The following RAPGEF6 variants were observed in gnomAD, a reference collection of about 807,000 sequenced individuals.
The protein encoded by RAPGEF6 is PDZ domain containing guanine nucleotide exchange factor (GEF) 2.
In RAPGEF6, 56 loss-of-function variants were observed where a neutral mutation model predicts 171.4. That is an observed-to-expected ratio of 0.33 (90% CI 0.26 to 0.41). The LOEUF (loss-of-function observed/expected upper bound fraction) is 0.41. RAPGEF6 is among the 10% of genes least tolerant of loss of function. The probability of loss-of-function intolerance (pLI) is 1.00; values close to 1 mark genes in which losing one functional copy is unlikely to be tolerated. For missense variants in RAPGEF6, 1,674 were observed against 1,921.4 expected, an observed-to-expected ratio of 0.87 and a Z score of 2.41; for synonymous variants, 692 against 650.1, an observed-to-expected ratio of 1.06 and a Z score of -0.98.
chr5:131,515,250 T>G (rs537728867), intron 7 of RAPGEF6, among the ~76,000 whole-genome samples: 1 of 152,334 alleles, frequency 6.6e-6, no homozygotes, highest in South Asian at 2.1e-4. Flanking sequence ...GTATTTCATT[T>G]AACCTTTTCA....
At chr5:131,519,697 A>C (rs1476007796) in intron 7 of RAPGEF6, among the ~76,000 whole-genome samples, 1 of 152,212 alleles carries the variant, frequency 6.6e-6, no homozygotes, top group Non-Finnish European at 1.5e-5. Flanking sequence ...CTCTGTGTAT[A>C]GTCTTAGAAA....
chr5:131,541,938 A>G (rs1342758515), intron 6 of RAPGEF6, among the ~76,000 whole-genome samples: 2 of 150,416 alleles, frequency 1.3e-5, no homozygotes, highest in African/African-American at 2.5e-5. Context: ...CTTGGCAGAC[A>G]TTCTCCATCT....
At chr5:131,628,677 T>A (rs1766100563) in intron 1 of RAPGEF6, among the ~76,000 whole-genome samples, 1 of 152,168 alleles carries the variant, frequency 6.6e-6, no homozygotes, top group Admixed American at 6.5e-5. Context: ...GCTTCAAAGC[T>A]TCAAAGGACA....
intron 27 of RAPGEF6, among the ~76,000 whole-genome samples, chr5:131,428,234 C>G (rs1380937796): frequency 1.3e-5 from 2 of 151,896 alleles, no homozygotes; most frequent in Non-Finnish European, 2.9e-5. Context: ...TATAGTGAGA[C>G]CCTGTCTCTA....
chr5:131,450,114 T>C, intron 21 of RAPGEF6: 2 of 1,440,420 alleles, frequency 1.4e-6, no homozygotes, highest in Non-Finnish European at 1.9e-6. Context: ...AAGACAACAG[T>C]TGAGAGTCAG....
chr5:131,492,626 G>C lies in RAPGEF6; in HGVS notation c.1687C>G (p.Pro563Ala). The change falls in exon 14 of 28, where the codon CCT (proline) becomes GCT (alanine). Residue 563 changes from proline (P) to alanine (A), a missense_variant. Transcript: ENST00000509018. ...CCTGAATCAGCAGCTTTGCTACCAG[G>C]TTCTACTCCTTCAACAAAAATACCA... is the stretch of plus-strand genomic sequence containing the variant. Reference protein sequence around the residue: ...GFGIFVEGVEPGSKAADSGLK... With the variant: ...GFGIFVEGVEAGSKAADSGLK... The C allele has an allele frequency of 6.2e-7, 1 of 1,614,080 alleles. No individual in the cohort carries two copies. The highest frequency in any genetic ancestry group is 8.5e-7 in the Non-Finnish European group (1 of 1,180,014).
chr5:131,603,704 T>C (rs1015979629), intron 2 of RAPGEF6, among the ~76,000 whole-genome samples: 2 of 152,118 alleles, frequency 1.3e-5, no homozygotes, highest in Non-Finnish European at 2.9e-5. Context: ...AATTGCTGAA[T>C]ATATAAATCA....
intron 7 of RAPGEF6, among the ~76,000 whole-genome samples, chr5:131,512,863 A>C (rs994032320): frequency 1.3e-5 from 2 of 152,292 alleles, no homozygotes; most frequent in Middle Eastern, 6.8e-3. Flanking sequence ...TACCTCTAAC[A>C]ATCAGAAAGA....
chr5:131,635,089 CACTAGGT>C lies in RAPGEF6; in HGVS notation c.-66_-60del. 3 of 1,505,120 alleles carry C rather than the reference CACTAGGT, an allele frequency of 2.0e-6. No individual in the cohort carries two copies. Among genetic ancestry groups the C allele is most frequent in the Non-Finnish European group, 2.7e-6 (3 of 1,114,660 alleles). The allele number at this position is 1,505,120 out of a possible 1,614,324, so 93.2% of individuals were successfully genotyped here. Reference sequence around the variant, plus strand: ...AGCAGCCCACGCCACAGTTCATTCACACTAGGTAGCGGGTGCGGTACCTTTCCCCCGC... The same window carrying C: ...AGCAGCCCACGCCACAGTTCATTCACAGCGGGTGCGGTACCTTTCCCCCGC... On this transcript the variant is annotated 5_prime_UTR_variant, in exon 1 of 28. Coordinates refer to ENST00000509018, the MANE Select transcript of RAPGEF6 (RefSeq NM_016340.6).
chr5:131,552,731 C>G (rs6890695), intron 5 of RAPGEF6, among the ~76,000 whole-genome samples: 116,739 of 152,026 alleles, frequency 0.77, 45,136 homozygotes, highest in African/African-American at 0.82. Context: ...AAAGTGCTCA[C>G]ATTACAGGCG....
chr5:131,627,850 C>T (rs770543904), intron 1 of RAPGEF6, among the ~76,000 whole-genome samples: 13 of 152,216 alleles, frequency 8.5e-5, no homozygotes, highest in Non-Finnish European at 1.5e-4. Context: ...ATTCTCACAA[C>T]ATTTCAAACT....
At chr5:131,433,269 T>C (rs1412032535) in intron 25 of RAPGEF6, among the ~76,000 whole-genome samples, 161 bp downstream of exon 25, 1 of 152,196 alleles carries the variant, frequency 6.6e-6, no homozygotes, top group South Asian at 2.1e-4. Context: ...ATAGTGCTTA[T>C]TTACATATTC....
intron 11 of RAPGEF6, 127 bp from the exon 12 acceptor site, chr5:131,498,734 A>C: frequency 1.2e-6 from 1 of 854,910 alleles, no homozygotes; most frequent in Non-Finnish European, 1.8e-6. Context: ...TTTCGCCTTT[A>C]AATCCTTAGC....
At chr5:131,458,473 G>A (rs1165197169) in intron 19 of RAPGEF6, among the ~76,000 whole-genome samples, 2 of 152,118 alleles carry the variant, frequency 1.3e-5, no homozygotes, top group Non-Finnish European at 2.9e-5. Flanking sequence ...ACAGTCTCAG[G>A]TATTTCTATA....
At chr5:131,567,390 T>C (rs989290646) in intron 4 of RAPGEF6, among the ~76,000 whole-genome samples, 4 of 152,228 alleles carry the variant, frequency 2.6e-5, no homozygotes, top group African/African-American at 9.6e-5. Flanking sequence ...CATTCTTTTC[T>C]CATAAATATG....
intron 26 of RAPGEF6, among the ~76,000 whole-genome samples, chr5:131,430,531 G>C (rs945294471): frequency 6.6e-6 from 1 of 152,172 alleles, no homozygotes; most frequent in Admixed American, 6.5e-5. Context: ...AGGTGATAAA[G>C]AGAATAATCC....
At chr5:131,606,326 T>C (rs957745821) in intron 1 of RAPGEF6, among the ~76,000 whole-genome samples, 4 of 142,014 alleles carry the variant, frequency 2.8e-5, no homozygotes, top group African/African-American at 1.1e-4. Context: ...ATCGCACCAC[T>C]GCACTCCAGT....
At chr5:131,536,366 C>T (rs557801535) in intron 6 of RAPGEF6, among the ~76,000 whole-genome samples, 3 of 152,258 alleles carry the variant, frequency 2.0e-5, no homozygotes, top group African/African-American at 7.2e-5. Context: ...ACAGTTAACT[C>T]TAATTACTGG....
intron 3 of RAPGEF6, among the ~76,000 whole-genome samples, chr5:131,600,605 G>GGGAGAGAAGA (rs1489222481): frequency 6.8e-6 from 1 of 147,444 alleles, no homozygotes; most frequent in Non-Finnish European, 1.5e-5. Flanking sequence ...GGGAAGGGAG[G>GGGAGAGAAGA]GGAGAGAAGA....
Sources: allele counts gnomAD v4.1 joint callset (sites outside exome capture counted in the v4.1 genomes callset), GRCh38; gene constraint gnomAD v4.1.1; transcripts MANE v1.5; gene names NCBI Gene and HGNC (gene_info 2026-07-23, HGNC 2026-07-21).